Variants in DISP1 observed in about 807,000 individuals in gnomAD.
DISP1 encodes protein dispatched homolog 1.
In DISP1, 30 loss-of-function variants were observed where a neutral mutation model predicts 37.3. The observed-to-expected ratio is 0.80, with a 90% CI of 0.60 to 1.09. The LOEUF (loss-of-function observed/expected upper bound fraction) is 1.09. DISP1 is among the 50% of genes least tolerant of loss of function. The pLI, the probability that DISP1 is intolerant of heterozygous loss-of-function variation, is 0.00. For synonymous variants in DISP1, 634 were observed against 690.2 expected, an observed-to-expected ratio of 0.92 and a Z score of 1.28; for missense variants, 1,598 against 1,879.5, an observed-to-expected ratio of 0.85 and a Z score of 2.77.
At chr1:222,951,999 A>T (rs1675260737) in intron 3 of DISP1, among the ~76,000 whole-genome samples, 1 of 152,194 alleles carries the variant, frequency 6.6e-6, no homozygotes, top group East Asian at 1.9e-4. Context: ...AGAGAACTAG[A>T]CTATACAGTT....
chr1:222,894,506 G>A (rs890687529), intron 1 of DISP1, among the ~76,000 whole-genome samples: 1 of 152,228 alleles, frequency 6.6e-6, no homozygotes, highest in Non-Finnish European at 1.5e-5. Flanking sequence ...GCCTGGACTC[G>A]GCTTCAACTT....
In DISP1 at chr1:223,003,156, G is replaced by C. The variant is rs1490415277; in HGVS notation, c.1759G>C (p.Asp587His). Residue 587 changes from aspartate (D) to histidine (H), a missense_variant, in exon 9 of 9, where the codon GAT becomes CAT. Coordinates refer to ENST00000675850, the MANE Select transcript of DISP1 (RefSeq NM_001377229.1). This position sits in a 1 kb window ranked among gnomAD's most constrained non-coding sequence, Gnocchi z 4.3. ...LCDVWNYTKF[D>H]KPHAETSETV... ...TGATGTTTGGAACTACACAAAATTT[G>C]ATAAGCCTCATGCCGAAACCTCAGA... 3.7e-6 allele frequency: 6 copies of C among 1,614,212 alleles called. No individual in the cohort carries two copies. The highest frequency in any genetic ancestry group is 5.1e-6 in the Non-Finnish European group (6 of 1,180,030).
intron 1 of DISP1, among the ~76,000 whole-genome samples, chr1:222,920,520 A>G (rs1188979265): frequency 6.6e-6 from 1 of 152,180 alleles, no homozygotes; most frequent in Non-Finnish European, 1.5e-5. Context: ...TCTGTCCTCT[A>G]AAACATAACA....
chr1:222,820,749 C>G (rs1359088733), intron 1 of DISP1, among the ~76,000 whole-genome samples: 1 of 152,136 alleles, frequency 6.6e-6, no homozygotes, highest in East Asian at 1.9e-4. Context: ...ACCTACCGTA[C>G]ATAGTCATTA....
chr1:222,972,634 T>C (rs939377354), intron 3 of DISP1, among the ~76,000 whole-genome samples: 1 of 152,188 alleles, frequency 6.6e-6, no homozygotes, highest in Non-Finnish European at 1.5e-5. Flanking sequence ...TCTGTTTCTC[T>C]ATCTGAAACC....
rs557369138 is a variant in DISP1, at chr1:222,865,831, A to C, written c.-159+50753A>C. Among the ~76,000 whole-genome samples, 3 of 152,298 alleles carry C rather than the reference A, an allele frequency of 2.0e-5. 1 individual carries two copies. The South Asian group carries it at 6.2e-4, about 32-fold the overall frequency. ...CACACATACACAGAATAATAACTATAAGAGGCGGGTATATTTGGCATATTT... is the reference window on the plus strand; with the variant it reads ...CACACATACACAGAATAATAACTATCAGAGGCGGGTATATTTGGCATATTT... On this transcript the variant is annotated intron_variant, in intron 1 of 8. Coordinates refer to ENST00000675850, the MANE Select transcript of DISP1 (RefSeq NM_001377229.1).
intron 1 of DISP1, among the ~76,000 whole-genome samples, chr1:222,829,657 G>A (rs1398356407): frequency 6.6e-6 from 1 of 151,966 alleles, no homozygotes; most frequent in African/African-American, 2.4e-5. Context: ...GGCCAGCCTG[G>A]TCTTGAACTC....
At chr1:222,863,909 T>C (rs914130371) in intron 1 of DISP1, among the ~76,000 whole-genome samples, 4 of 152,168 alleles carry the variant, frequency 2.6e-5, no homozygotes, top group African/African-American at 9.7e-5. Flanking sequence ...TCCTGTACTT[T>C]TCCTTGTCCA....
At chr1:222,938,033 T>C (rs963861311) in intron 2 of DISP1, among the ~76,000 whole-genome samples, 1 of 151,986 alleles carries the variant, frequency 6.6e-6, no homozygotes, top group African/African-American at 2.4e-5. Flanking sequence ...AACACCATGC[T>C]CAGCTAACTT....
intron 4 of DISP1, chr1:222,989,591 G>A: frequency 1.0e-6 from 1 of 982,382 alleles, no homozygotes; most frequent in Non-Finnish European, 1.2e-6. Context: ...TGGTAATAGA[G>A]ACAGTTCTGC....
chr1:222,868,631 A>C (rs1669338638), intron 1 of DISP1, among the ~76,000 whole-genome samples: 1 of 152,104 alleles, frequency 6.6e-6, no homozygotes, highest in Non-Finnish European at 1.5e-5. Flanking sequence ...ATGACTTTTT[A>C]AAATGAACTT....
chr1:222,994,450 C>T (rs920457978), intron 7 of DISP1, among the ~76,000 whole-genome samples: 1 of 152,172 alleles, frequency 6.6e-6, no homozygotes, highest in African/African-American at 2.4e-5. Flanking sequence ...AAATAGATCA[C>T]CCACCATCTC....
At chr1:223,002,013 A>C (rs755849991) in intron 8 of DISP1, among the ~76,000 whole-genome samples, 2 of 152,218 alleles carry the variant, frequency 1.3e-5, no homozygotes, top group Non-Finnish European at 2.9e-5. Context: ...TATATACATA[A>C]GCTTCACAAC....
At chr1:222,957,560 G>A (rs2102573495) in intron 3 of DISP1, among the ~76,000 whole-genome samples, 1 of 152,154 alleles carries the variant, frequency 6.6e-6, no homozygotes, top group East Asian at 1.9e-4. Context: ...CTGCACTCCA[G>A]CCTGGGTGAC....
intron 1 of DISP1, among the ~76,000 whole-genome samples, chr1:222,918,811 A>C (rs1269721158): frequency 1.3e-5 from 2 of 152,176 alleles, no homozygotes; most frequent in Non-Finnish European, 1.5e-5. Flanking sequence ...GGAAAGTTTT[A>C]CCCCGGGGTA....
intron 1 of DISP1, among the ~76,000 whole-genome samples, chr1:222,926,885 A>G (rs1413150239): frequency 6.6e-6 from 1 of 152,172 alleles, no homozygotes; most frequent in Non-Finnish European, 1.5e-5. Context: ...ACAAGAGGGT[A>G]GTCTTGTTTG....
At chr1:222,883,224 T>TA (rs987649697) in intron 1 of DISP1, among the ~76,000 whole-genome samples, 3 of 151,556 alleles carry the variant, frequency 2.0e-5, no homozygotes, top group African/African-American at 4.8e-5. Flanking sequence ...AAATTAATCC[T>TA]AAAAAAAAAT....
Position 222,873,603 on chromosome 1 carries a change from C to G in DISP1, c.-158-54827C>G, listed in dbSNP as rs181182024. On this transcript the variant is annotated intron_variant, in intron 1 of 8. Coordinates refer to ENST00000675850, the MANE Select transcript of DISP1 (RefSeq NM_001377229.1). ...CCGAGACTAGGATTGCAACCCCTGCCTTTTTTTGTTTTCCATTTGCTTGGT... is the reference window on the plus strand; with the variant it reads ...CCGAGACTAGGATTGCAACCCCTGCGTTTTTTTGTTTTCCATTTGCTTGGT... 4.9e-3 allele frequency among the ~76,000 whole-genome samples: 744 copies of G among 152,090 alleles called. 8 individuals are homozygous for G. The highest frequency in any genetic ancestry group is 6.9e-3 in the Non-Finnish European group (467 of 67,976).
At chr1:222,970,852 A>G (rs544181886) in intron 3 of DISP1, among the ~76,000 whole-genome samples, 3 of 152,084 alleles carry the variant, frequency 2.0e-5, no homozygotes, top group Admixed American at 1.3e-4. Context: ...TGCAAACAGA[A>G]TCTACACCGT....
Sources: gnomAD v4.1 joint callset for allele counts (sites outside exome capture counted in the v4.1 genomes callset) on GRCh38, gnomAD v4.1.1 for gene constraint, Gnocchi (gnomAD v3.1) non-coding constraint, MANE v1.5 for transcripts, NCBI Gene and HGNC (gene_info 2026-07-23, HGNC 2026-07-21) for gene names.